ANO3: variants seen among roughly 807,000 people sequenced by gnomAD.
ANO3 encodes the protein anoctamin-3.
A neutral mutation model predicts 144.8 loss-of-function variants in ANO3; 99 were observed. That is an observed-to-expected ratio of 0.68 (90% CI 0.58 to 0.81). The LOEUF is 0.81. ANO3 is among the 30% of genes least tolerant of loss of function. ANO3 has a pLI of 0.00. For missense variants in ANO3, 905 were observed against 1,202.2 expected, an observed-to-expected ratio of 0.75 and a Z score of 3.66; for synonymous variants, 414 against 392.6, an observed-to-expected ratio of 1.05 and a Z score of -0.64.
At chr11:26,222,398 G>A (rs1391053225) in intron 1 of ANO3, among the ~76,000 whole-genome samples, 2 of 152,200 alleles carry the variant, frequency 1.3e-5, no homozygotes, top group Non-Finnish European at 2.9e-5. Context: ...GGAGTTGCGT[G>A]CCTGCAGCTT....
intron 14 of ANO3, among the ~76,000 whole-genome samples, chr11:26,573,398 A>T (rs1304126230): frequency 1.3e-5 from 2 of 152,184 alleles, no homozygotes; most frequent in Admixed American, 6.5e-5. Context: ...ATTTAATCAA[A>T]CAGTTAGTTA....
intron 1 of ANO3, among the ~76,000 whole-genome samples, chr11:26,194,328 A>G (rs766477206): frequency 5.3e-5 from 8 of 152,090 alleles, no homozygotes; most frequent in Non-Finnish European, 1.2e-4. Flanking sequence ...TATGTTACTG[A>G]TGAGTAATTT....
At chr11:26,345,105 AAAATG>A (rs1163499506) in intron 1 of ANO3, among the ~76,000 whole-genome samples, 1 of 152,214 alleles carries the variant, frequency 6.6e-6, no homozygotes, top group African/African-American at 2.4e-5. Flanking sequence ...TATTGTCTAT[AAAATG>A]AAATGATGTT....
intron 1 of ANO3, among the ~76,000 whole-genome samples, chr11:26,405,075 T>G (rs367701499): frequency 7.9e-5 from 12 of 151,796 alleles, no homozygotes; most frequent in African/African-American, 2.7e-4. Flanking sequence ...AAATAGTGTT[T>G]GCCTCACAAT....
intron 1 of ANO3, chr11:26,287,474 C>T (rs1853835052): frequency 6.6e-6 from 1 of 152,156 alleles, no homozygotes; most frequent in African/African-American, 2.4e-5. Flanking sequence ...TCCAAGGTCA[C>T]ACAGTCATTA....
At chr11:26,224,605 G>C (rs1454166089) in intron 1 of ANO3, among the ~76,000 whole-genome samples, 1 of 152,186 alleles carries the variant, frequency 6.6e-6, no homozygotes, top group South Asian at 2.1e-4. Flanking sequence ...TACTATGTTG[G>C]AATGAAGTAT....
At chr11:26,524,372 G>A (rs748792050) in intron 6 of ANO3, among the ~76,000 whole-genome samples, 1 of 152,164 alleles carries the variant, frequency 6.6e-6, no homozygotes, top group Non-Finnish European at 1.5e-5. Flanking sequence ...CAATATGACT[G>A]CAGTGAAATA....
chr11:26,497,875 A>C (rs1861030663), intron 4 of ANO3, among the ~76,000 whole-genome samples: 1 of 152,078 alleles, frequency 6.6e-6, no homozygotes, highest in Non-Finnish European at 1.5e-5. Flanking sequence ...ATATAAGATC[A>C]AATTTTATTC....
chr11:26,309,333 T>A (rs116179506), upstream of ANO3, among the ~76,000 whole-genome samples: 7 of 152,016 alleles, frequency 4.6e-5, no homozygotes, highest in Middle Eastern at 3.4e-3. Flanking sequence ...ATTAGAAGAG[T>A]GTGTTACCCA....
intron 14 of ANO3, among the ~76,000 whole-genome samples, chr11:26,581,201 T>G (rs1401985825): frequency 1.3e-5 from 2 of 152,166 alleles, no homozygotes; most frequent in Non-Finnish European, 1.5e-5. Flanking sequence ...CCTGAGTTGT[T>G]TTGAAGATGA....
At chr11:26,613,592 G>A (rs1852163126) in intron 17 of ANO3, among the ~76,000 whole-genome samples, 1 of 152,124 alleles carries the variant, frequency 6.6e-6, no homozygotes, top group Non-Finnish European at 1.5e-5. Context: ...TTTGATATCT[G>A]CAAATCTAGT....
intron 1 of ANO3, among the ~76,000 whole-genome samples, chr11:26,265,141 A>C (rs943602511): frequency 2.0e-4 from 30 of 152,262 alleles, no homozygotes; most frequent in Admixed American, 8.5e-4. Context: ...TCTGTCAAAA[A>C]TAGTCATTAT....
intron 1 of ANO3, among the ~76,000 whole-genome samples, chr11:26,229,879 G>T (rs1025036224): frequency 6.6e-6 from 1 of 152,094 alleles, no homozygotes; most frequent in African/African-American, 2.4e-5. Context: ...ATGAATAAAA[G>T]GATAACAGTT....
At chr11:26,634,502 G>T (rs1852887911) in intron 19 of ANO3, among the ~76,000 whole-genome samples, 187 bp downstream of exon 19, 1 of 152,114 alleles carries the variant, frequency 6.6e-6, no homozygotes, top group Non-Finnish European at 1.5e-5. Flanking sequence ...TAACAATTTT[G>T]TTAAAGAAGC....
chr11:26,271,106 C>CAAGATTGCCCTTCTGAA (rs1564942569), intron 1 of ANO3, among the ~76,000 whole-genome samples: 1 of 152,184 alleles, frequency 6.6e-6, no homozygotes, highest in African/African-American at 2.4e-5. Flanking sequence ...TTGTTAGTGA[C>CAAGATTGCCCTTCTGAA]AAGATTGCCC....
intron 24 of ANO3, among the ~76,000 whole-genome samples, chr11:26,649,252 C>A (rs1309547652): frequency 6.6e-6 from 1 of 152,112 alleles, no homozygotes; most frequent in African/African-American, 2.4e-5. Flanking sequence ...GTATTCTATT[C>A]ATGTACACAT....
intron 1 of ANO3, among the ~76,000 whole-genome samples, chr11:26,415,674 G>T (rs1857564550): frequency 6.6e-6 from 1 of 151,890 alleles, no homozygotes; most frequent in Non-Finnish European, 1.5e-5. Flanking sequence ...CTGTTGTTTT[G>T]TGTAGCACAC....
intron 4 of ANO3, among the ~76,000 whole-genome samples, chr11:26,476,138 C>T (rs1859959237): frequency 6.6e-6 from 1 of 152,048 alleles, no homozygotes; most frequent in South Asian, 2.1e-4. Context: ...GAGAATTCAC[C>T]ATGTGCCAGA....
At chr11:26,585,634 G>A (rs1851253760) in intron 14 of ANO3, among the ~76,000 whole-genome samples, 2 of 152,024 alleles carry the variant, frequency 1.3e-5, no homozygotes, top group African/African-American at 4.8e-5. Flanking sequence ...GACACTCAAA[G>A]CGTGTTCTCA....
Sources: gnomAD v4.1 joint callset for allele counts (sites outside exome capture counted in the v4.1 genomes callset) on GRCh38, gnomAD v4.1.1 for gene constraint, MANE v1.5 for transcripts, NCBI Gene and HGNC (gene_info 2026-07-23, HGNC 2026-07-21) for gene names.